The following CHRM3 variants were observed in gnomAD, a reference collection of about 807,000 sequenced individuals.
The protein encoded by CHRM3 is muscarinic acetylcholine receptor M3.
In CHRM3, 11 loss-of-function variants were observed where a neutral mutation model predicts 41.8. That is an observed-to-expected ratio of 0.26 (90% CI 0.17 to 0.44). The LOEUF is 0.44. Ranked by LOEUF, CHRM3 falls within the 20% of genes least tolerant of loss-of-function variation. CHRM3 has a pLI of 1.00. For synonymous variants in CHRM3, 297 were observed against 301.4 expected (o/e 0.99, Z 0.15); for missense variants, 571 against 745.4 (o/e 0.77, Z 2.72).
At chr1:239,822,458 G>A (rs762028717) in intron 5 of CHRM3, among the ~76,000 whole-genome samples, 2 of 152,216 alleles carry the variant, frequency 1.3e-5, no homozygotes, top group African/African-American at 2.4e-5. Context: ...GTGGATGTGC[G>A]GTGATTATAA....
intron 1 of CHRM3, among the ~76,000 whole-genome samples, chr1:239,405,260 C>T (rs1178303451): frequency 1.3e-5 from 2 of 152,100 alleles, no homozygotes; most frequent in Admixed American, 6.5e-5. Flanking sequence ...AGCCAGGTGA[C>T]CCACACACAA....
chr1:239,703,374 A>T (rs1250752600), intron 5 of CHRM3: 1 of 152,212 alleles, frequency 6.6e-6, no homozygotes, highest in Non-Finnish European at 1.5e-5. Flanking sequence ...AACATAAAAG[A>T]TTAATGTTAT....
intron 3 of CHRM3, among the ~76,000 whole-genome samples, chr1:239,566,828 C>T (rs553369327): frequency 6.6e-6 from 1 of 152,330 alleles, no homozygotes; most frequent in East Asian, 1.9e-4. Flanking sequence ...GTTACAAATA[C>T]AATTCCTTTC....
chr1:239,618,260 G>A (rs2148793424), intron 3 of CHRM3, among the ~76,000 whole-genome samples: 1 of 139,632 alleles, frequency 7.2e-6, no homozygotes, highest in Middle Eastern at 3.7e-3. Flanking sequence ...GAGAGTAGGA[G>A]TACTTTTTTT....
intron 5 of CHRM3, among the ~76,000 whole-genome samples, chr1:239,768,946 G>A (rs1455398432): frequency 6.6e-6 from 1 of 152,036 alleles, no homozygotes; most frequent in African/African-American, 2.4e-5. Flanking sequence ...TGTATTTTTA[G>A]TAAAGACAGA....
intron 5 of CHRM3, among the ~76,000 whole-genome samples, chr1:239,770,014 C>T (rs989853158): frequency 1.3e-5 from 2 of 152,092 alleles, no homozygotes; most frequent in Non-Finnish European, 2.9e-5. Flanking sequence ...AAAAGCCAAA[C>T]GTAATGATCT....
At chr1:239,857,974 CAT>C (rs1329168191) in intron 6 of CHRM3, among the ~76,000 whole-genome samples, 1 of 152,042 alleles carries the variant, frequency 6.6e-6, no homozygotes, top group Non-Finnish European at 1.5e-5. Flanking sequence ...AATTAATTGA[CAT>C]ATATTATTGA....
At chr1:239,752,915 A>G (rs1477228310) in intron 5 of CHRM3, among the ~76,000 whole-genome samples, 2 of 152,204 alleles carry the variant, frequency 1.3e-5, no homozygotes, top group Non-Finnish European at 2.9e-5. Flanking sequence ...TCATACCTTG[A>G]TAAAGAAAAT....
At chr1:239,847,229 T>C (rs1162606307) in intron 6 of CHRM3, among the ~76,000 whole-genome samples, 2 of 152,202 alleles carry the variant, frequency 1.3e-5, no homozygotes, top group East Asian at 1.9e-4. Flanking sequence ...TTATTTCTCA[T>C]TCCTGACTGC....
chr1:239,395,795 T>A (rs577320949), intron 1 of CHRM3, among the ~76,000 whole-genome samples: 1 of 152,328 alleles, frequency 6.6e-6, no homozygotes, highest in South Asian at 2.1e-4. Flanking sequence ...ATCTCATTGA[T>A]CATATTATTG....
rs561108509 is a variant in CHRM3 at position 239,487,030 on chromosome 1, G to A, written c.-520-5679G>A. ...TTCTAGATAGAACTTATTGAGAGAA[G>A]CAATAAAAGCTGATGCAGAACATAT... On this transcript the variant is annotated intron_variant, in intron 1 of 6. Transcript: ENST00000676153. 9.2e-5 allele frequency among the ~76,000 whole-genome samples: 14 copies of A among 152,252 alleles called. No homozygotes were observed. The East Asian group carries it at 2.7e-3, about 29-fold the overall frequency.
At chr1:239,518,116 GACA>G (rs932041245) in intron 2 of CHRM3, among the ~76,000 whole-genome samples, 14 of 151,878 alleles carry the variant, frequency 9.2e-5, no homozygotes, top group African/African-American at 1.7e-4. Context: ...AAAAAACAAC[GACA>G]ACAACAACAA....
intron 5 of CHRM3, among the ~76,000 whole-genome samples, chr1:239,809,687 C>T (rs529177127): frequency 1.3e-5 from 2 of 151,996 alleles, no homozygotes; most frequent in East Asian, 3.9e-4. Context: ...TTTGTACAGA[C>T]AGGGTCTCCC....
intron 6 of CHRM3, among the ~76,000 whole-genome samples, chr1:239,836,426 A>T (rs1248023560): frequency 3.3e-5 from 5 of 152,090 alleles, no homozygotes. Flanking sequence ...ATTTCAATTG[A>T]TAAAAATATA....
At chr1:239,571,081 A>G (rs558396975) in intron 3 of CHRM3, among the ~76,000 whole-genome samples, 2 of 152,246 alleles carry the variant, frequency 1.3e-5, no homozygotes, top group African/African-American at 4.8e-5. Flanking sequence ...GCTGGCGGCA[A>G]TAGTGAGGCT....
intron 5 of CHRM3, among the ~76,000 whole-genome samples, chr1:239,805,464 AC>A (rs1444204469): frequency 1.3e-5 from 2 of 152,200 alleles, no homozygotes; most frequent in African/African-American, 4.8e-5. Context: ...TAGGTATTAT[AC>A]ATAGACAAGT....
chr1:239,809,672 T>A (rs1670958523), intron 5 of CHRM3, among the ~76,000 whole-genome samples: 2 of 151,866 alleles, frequency 1.3e-5, no homozygotes, highest in African/African-American at 4.8e-5. Context: ...TAATTTTTAA[T>A]TTTTTTTGTA....
At chr1:239,779,872 C>T (rs1254573508) in intron 5 of CHRM3, among the ~76,000 whole-genome samples, 2 of 152,220 alleles carry the variant, frequency 1.3e-5, no homozygotes, top group Non-Finnish European at 2.9e-5. Context: ...GTGTCATATA[C>T]TTGTAATCAT....
At chr1:239,563,468 A>T (rs1661068904) in intron 3 of CHRM3, among the ~76,000 whole-genome samples, 1 of 152,196 alleles carries the variant, frequency 6.6e-6, no homozygotes, top group Admixed American at 6.5e-5. Flanking sequence ...AAGAGGCTTG[A>T]GTTACCTTTC....
Sources: allele counts gnomAD v4.1 joint callset (sites outside exome capture counted in the v4.1 genomes callset), GRCh38; gene constraint gnomAD v4.1.1; transcripts MANE v1.5; gene names NCBI Gene and HGNC (gene_info 2026-07-23, HGNC 2026-07-21).